The following IGF1R variants were observed in gnomAD, a reference collection of about 807,000 sequenced individuals.
IGF1R encodes the protein insulin like growth factor 1 receptor, also known as insulin-like growth factor 1 receptor.
A neutral mutation model predicts 144.6 loss-of-function variants in IGF1R; 44 were observed. That is an observed-to-expected ratio of 0.30 (90% CI 0.24 to 0.39). The LOEUF (loss-of-function observed/expected upper bound fraction) is 0.39, where lower values mean the gene tolerates loss of function less well. IGF1R is among the 10% of genes least tolerant of loss of function. The probability of loss-of-function intolerance (pLI) is 1.00; values close to 1 mark genes in which losing one functional copy is unlikely to be tolerated. For synonymous variants in IGF1R, 795 were observed against 722.8 expected, an observed-to-expected ratio of 1.10 and a Z score of -1.60; for missense variants, 1,355 against 1,833.7, an observed-to-expected ratio of 0.74 and a Z score of 4.77.
chr15:98,760,983 A>C (rs895748739), intron 2 of IGF1R, among the ~76,000 whole-genome samples: 1 of 152,250 alleles, frequency 6.6e-6, no homozygotes, highest in Non-Finnish European at 1.5e-5. Flanking sequence ...CGTCTTGCCA[A>C]ATGTAAAATA....
intron 2 of IGF1R, among the ~76,000 whole-genome samples, chr15:98,819,421 G>A (rs1464719253): frequency 2.0e-5 from 3 of 152,086 alleles, no homozygotes; most frequent in Admixed American, 6.6e-5. Flanking sequence ...GAGGGTGGGG[G>A]ACCTTTATGA....
chr15:98,832,673 TA>T (rs745664063), intron 2 of IGF1R, among the ~76,000 whole-genome samples: 10 of 152,238 alleles, frequency 6.6e-5, no homozygotes, highest in Non-Finnish European at 1.5e-4. Flanking sequence ...GGACACCTAA[TA>T]AAGCTCTAGG....
intron 2 of IGF1R, among the ~76,000 whole-genome samples, chr15:98,718,569 G>A (rs1016415744): frequency 6.6e-6 from 1 of 152,226 alleles, no homozygotes; most frequent in Admixed American, 6.5e-5. Context: ...TTGTGCCCAT[G>A]GGGCCCCTGG....
intron 10 of IGF1R, among the ~76,000 whole-genome samples, chr15:98,921,589 A>G (rs891494164): frequency 6.6e-6 from 1 of 151,894 alleles, no homozygotes; most frequent in African/African-American, 2.4e-5. Context: ...AGGAGCCCCC[A>G]AGAAGAGAGA....
At position 98,669,001 on chromosome 15, in the gene IGF1R, A is replaced by T. The variant is rs566694734; in HGVS notation, c.94+19326A>T. ...TTTACCAGTCATACTTACTATTTTA[A>T]ATCTGACCCTGCCATTATGTTGTTT... On this transcript the variant is annotated intron_variant, in intron 1 of 20. Coordinates refer to ENST00000650285, the MANE Select transcript of IGF1R (RefSeq NM_000875.5). Among the ~76,000 whole-genome samples the T allele has an allele frequency of 1.5e-3, 223 of 152,298 alleles. 1 individual carries two copies. The highest frequency in any genetic ancestry group is 5.2e-3 in the African/African-American group (217 of 41,566).
Position 98,648,844 on chromosome 15 carries a change from C to A in IGF1R, c.-738C>A. ...AGCGAGCCGGAGCCCCCGCGCAGAG[C>A]AGGCGGCGGCGGGCGGGGGCCGGGC... On this transcript the variant is annotated 5_prime_UTR_variant, in exon 1 of 21. Coordinates refer to ENST00000650285, the MANE Select transcript of IGF1R (RefSeq NM_000875.5). 6.7e-6 allele frequency: 1 copy of A among 148,738 alleles called. No individual in the cohort carries two copies. The highest frequency in any genetic ancestry group is 1.9e-4 in the South Asian group (1 of 5,260). The allele number at this position is 148,738 out of a possible 1,614,324, so 9.2% of individuals were successfully genotyped here. A position where few individuals can be genotyped will look rare whatever the true frequency, so the allele number is the denominator to read the frequency against.
chr15:98,868,058 G>A (rs968678563), intron 2 of IGF1R, among the ~76,000 whole-genome samples: 1 of 152,082 alleles, frequency 6.6e-6, no homozygotes, highest in Non-Finnish European at 1.5e-5. Context: ...AAAATTAGAT[G>A]GTTGTGGTGG....
chr15:98,931,643 G>A (rs1045337477), intron 15 of IGF1R, among the ~76,000 whole-genome samples: 4 of 151,378 alleles, frequency 2.6e-5, no homozygotes, highest in African/African-American at 4.9e-5. Context: ...CATTCTGGAC[G>A]GATGCACACC....
chr15:98,845,400 G>GCCTCCCTCCTCCTCCC (rs2011273516), intron 2 of IGF1R, among the ~76,000 whole-genome samples: 1 of 42,926 alleles, frequency 2.3e-5, no homozygotes, highest in Admixed American at 3.3e-4. Flanking sequence ...CCTCCTCCTC[G>GCCTCCCTCCTCCTCCC]CCTCCCTCCT....
intron 2 of IGF1R, among the ~76,000 whole-genome samples, chr15:98,787,849 T>C (rs938885312): frequency 2.0e-5 from 3 of 151,952 alleles, no homozygotes; most frequent in Non-Finnish European, 2.9e-5. Context: ...ATCAGTCGTA[T>C]ATGTTTTTGT....
intron 2 of IGF1R, among the ~76,000 whole-genome samples, chr15:98,847,230 GA>G (rs1378341131): frequency 6.6e-6 from 1 of 152,150 alleles, no homozygotes; most frequent in African/African-American, 2.4e-5. Context: ...TTCTGCCTTG[GA>G]CTCCCAAAGT....
At chr15:98,697,661 C>T (rs1180860025) in intron 1 of IGF1R, among the ~76,000 whole-genome samples, 1 of 126,014 alleles carries the variant, frequency 7.9e-6, no homozygotes, top group Non-Finnish European at 1.7e-5. Context: ...TGTCCACTTG[C>T]ACTTGTGTTA....
chr15:98,655,228 A>T (rs114354646), intron 1 of IGF1R, among the ~76,000 whole-genome samples: 2,293 of 152,308 alleles, frequency 0.015, 48 homozygotes, highest in African/African-American at 0.051. Flanking sequence ...CAAGAGAAGC[A>T]TACTTCCTCG....
In IGF1R at chr15:98,701,011, C is replaced by T. The variant is rs558219919; in HGVS notation, c.95-6551C>T. 2.0e-5 allele frequency among the ~76,000 whole-genome samples: 3 copies of T among 152,200 alleles called. No homozygotes were observed. In the East Asian group the frequency reaches 5.8e-4, roughly 29 times the overall value. On this transcript the variant is annotated intron_variant, in intron 1 of 20. Coordinates refer to ENST00000650285, the MANE Select transcript of IGF1R (RefSeq NM_000875.5). Reference sequence around the variant, plus strand: ...AGTGATACACTAATCCTCTCCTAACCTCTTAAATCATTTTGACTTTCACAG... The same window carrying T: ...AGTGATACACTAATCCTCTCCTAACTTCTTAAATCATTTTGACTTTCACAG...
chr15:98,875,516 T>C (rs560098136), intron 2 of IGF1R, among the ~76,000 whole-genome samples: 4 of 152,240 alleles, frequency 2.6e-5, no homozygotes, highest in Admixed American at 2.6e-4. Context: ...CTGCAAAGCA[T>C]GTGGATGCAT....
chr15:98,778,094 A>G (rs1252630082), intron 2 of IGF1R, among the ~76,000 whole-genome samples: 2 of 152,208 alleles, frequency 1.3e-5, no homozygotes, highest in Non-Finnish European at 1.5e-5. Flanking sequence ...GGGGGTGAGG[A>G]TAGAACAGAA....
chr15:98,729,809 TGA>T lies in IGF1R; in HGVS notation c.640+21704_640+21705del, dbSNP rs202051616. On this transcript the variant is annotated intron_variant, in intron 2 of 20. Coordinates refer to ENST00000650285, the MANE Select transcript of IGF1R (RefSeq NM_000875.5). Reference sequence around the variant, plus strand: ...TAGAATGCCCTTGGCACGATGTGTGTGAGTGTGTCTTTCCTTAGTAAATGGCC... The same window carrying T: ...TAGAATGCCCTTGGCACGATGTGTGTGTGTGTCTTTCCTTAGTAAATGGCC... Among the ~76,000 whole-genome samples, 1,250 of 152,332 alleles carry T rather than the reference TGA, an allele frequency of 8.2e-3. 5 individuals are homozygous for T. Among genetic ancestry groups the T allele is most frequent in the Middle Eastern group, 0.037 (11 of 294 alleles).
At chr15:98,682,770 ACTC>A (rs2053224836) in intron 1 of IGF1R, among the ~76,000 whole-genome samples, 1 of 148,762 alleles carries the variant, frequency 6.7e-6, no homozygotes, top group Non-Finnish European at 1.5e-5. Flanking sequence ...CTGGTCTGGA[ACTC>A]CTGATTAGGT....
At chr15:98,838,238 G>T (rs1193585361) in intron 2 of IGF1R, among the ~76,000 whole-genome samples, 1 of 151,846 alleles carries the variant, frequency 6.6e-6, no homozygotes, top group Non-Finnish European at 1.5e-5. Flanking sequence ...AGTTAACCAT[G>T]TTCTTTGGAC....
Sources: allele counts gnomAD v4.1 joint callset (sites outside exome capture counted in the v4.1 genomes callset), GRCh38; gene constraint gnomAD v4.1.1; transcripts MANE v1.5; gene names NCBI Gene and HGNC (gene_info 2026-07-23, HGNC 2026-07-21).